Variants in SNX2 observed in about 807,000 individuals in gnomAD.
SNX2 encodes the protein sorting nexin 2.
In SNX2, 25 loss-of-function variants were observed where a neutral mutation model predicts 69.9. The ratio of observed to expected loss-of-function variants is 0.36; its 90% CI spans 0.26 to 0.50. The LOEUF is 0.50. Among genes scored for constraint, SNX2 ranks in the 20% least tolerant of loss-of-function variants. The pLI is 0.97. For missense variants in SNX2, 551 were observed against 613.3 expected (o/e 0.90, Z 1.07); for synonymous variants, 229 against 200.4 (o/e 1.14, Z -1.20).
At chr5:122,784,375 T>A (rs2150001032) in intron 1 of SNX2, among the ~76,000 whole-genome samples, 1 of 152,174 alleles carries the variant, frequency 6.6e-6, no homozygotes, top group South Asian at 2.1e-4. Flanking sequence ...AATGAAGTTC[T>A]CCTCTGTTTC....
At chr5:122,789,474 G>GACACAC (rs60199625) in intron 1 of SNX2, among the ~76,000 whole-genome samples, 3,291 of 144,670 alleles carry the variant, frequency 0.023, 62 homozygotes, top group East Asian at 0.04. Flanking sequence ...GACACACACG[G>GACACAC]ACACACACAC....
intron 1 of SNX2, among the ~76,000 whole-genome samples, chr5:122,778,542 T>C (rs1170908042): frequency 1.3e-5 from 2 of 152,210 alleles, no homozygotes; most frequent in African/African-American, 4.8e-5. Context: ...AGAGTCTCGC[T>C]CTGTCACCCA....
At chr5:122,780,571 C>CTT (rs761877253) in intron 1 of SNX2, among the ~76,000 whole-genome samples, 6 of 133,326 alleles carry the variant, frequency 4.5e-5, no homozygotes, top group Admixed American at 7.3e-5. Flanking sequence ...CTTTTCTTTT[C>CTT]TTTTCTTTTT....
intron 10 of SNX2, among the ~76,000 whole-genome samples, chr5:122,818,531 CTG>C (rs1342644576): frequency 8.5e-5 from 13 of 152,092 alleles, no homozygotes; most frequent in African/African-American, 2.9e-4. Flanking sequence ...ACAGTGAACA[CTG>C]TGGGAGAAAA....
In SNX2 at chr5:122,829,823, A is replaced by G. The variant is rs1754244780; in HGVS notation, c.*175A>G. On this transcript the variant is annotated 3_prime_UTR_variant, in exon 15 of 15. Coordinates refer to ENST00000379516, the MANE Select transcript of SNX2 (RefSeq NM_003100.4). ...ACACACACACACACTCTGACATTTTATTACAAGCTGCATGTCCTGACCCTC... is the reference window on the plus strand; with the variant it reads ...ACACACACACACACTCTGACATTTTGTTACAAGCTGCATGTCCTGACCCTC... 8.3e-6 allele frequency: 5 copies of G among 605,086 alleles called. No individual in the cohort carries two copies. In the Admixed American group the frequency reaches 1.2e-4, roughly 14 times the overall value. The allele number at this position is 605,086 out of a possible 1,614,324, so 37.5% of individuals were successfully genotyped here.
intron 6 of SNX2, among the ~76,000 whole-genome samples, chr5:122,806,142 G>GCACGCGCGCACACACACA (rs1554063175): frequency 3.1e-5 from 4 of 130,580 alleles, no homozygotes; most frequent in African/African-American, 1.2e-4. Flanking sequence ...ACACGCGCGC[G>GCACGCGCGCACACACACA]CACACACACA....
At chr5:122,791,119 AT>A (rs71623268) in intron 1 of SNX2, among the ~76,000 whole-genome samples, 88 of 131,694 alleles carry the variant, frequency 6.7e-4, no homozygotes, top group South Asian at 1.6e-3. Context: ...GGCTATTTCA[AT>A]TTTTTTTTTT....
chr5:122,801,655 G>A (rs1027003634), intron 3 of SNX2, among the ~76,000 whole-genome samples: 3 of 77,472 alleles, frequency 3.9e-5, no homozygotes, highest in Non-Finnish European at 9.2e-5. Flanking sequence ...TCTTTTTCGT[G>A]TGTGTGTGTG....
At chr5:122,807,925 T>G (rs1271710788) in intron 6 of SNX2, among the ~76,000 whole-genome samples, 1 of 152,196 alleles carries the variant, frequency 6.6e-6, no homozygotes, top group Admixed American at 6.5e-5. Context: ...GATTTGAAAT[T>G]CCATTATGTA....
intron 1 of SNX2, among the ~76,000 whole-genome samples, chr5:122,794,108 C>T (rs967547465): frequency 7.9e-5 from 12 of 151,752 alleles, no homozygotes; most frequent in South Asian, 2.1e-4. Context: ...GTCAGGAGTT[C>T]GAGACCAGCC....
rs1753295703 is a variant in SNX2, at chr5:122,793,585, T to A, written c.109-1681T>A. Among the ~76,000 whole-genome samples, 3 of 152,200 alleles carry A rather than the reference T, an allele frequency of 2.0e-5. No homozygotes were observed. In the South Asian group the frequency reaches 6.2e-4, roughly 32 times the overall value. Reference sequence around the variant, plus strand: ...ACACTTTTGATATATACAGTTTTTTTGTGTTATACTTCAATAAAAAGGTTT... The same window carrying A: ...ACACTTTTGATATATACAGTTTTTTAGTGTTATACTTCAATAAAAAGGTTT... On this transcript the variant is annotated intron_variant, in intron 1 of 14. Coordinates refer to ENST00000379516, the MANE Select transcript of SNX2 (RefSeq NM_003100.4).
intron 11 of SNX2, among the ~76,000 whole-genome samples, chr5:122,824,201 CAAAAAA>C (rs398050704): frequency 8.9e-6 from 1 of 112,700 alleles, no homozygotes. Flanking sequence ...GACTCTGTCT[CAAAAAA>C]AAAAAAAAAA....
intron 5 of SNX2, among the ~76,000 whole-genome samples, chr5:122,803,220 A>G (rs78598249): frequency 0.015 from 2,262 of 152,274 alleles, 22 homozygotes; most frequent in Non-Finnish European, 0.019. Flanking sequence ...AAGAATTATT[A>G]GCGTAAATAG....
At chr5:122,795,183 G>A (rs1682017700) in intron 1 of SNX2, 83 bp from the exon 2 acceptor site, 6 of 834,604 alleles carry the variant, frequency 7.2e-6, no homozygotes, top group Non-Finnish European at 1.2e-5. Flanking sequence ...TCAAGAGAAT[G>A]TTCTATTTCT....
At chr5:122,796,543 A>G (rs1033052009) in intron 2 of SNX2, among the ~76,000 whole-genome samples, 1 of 152,178 alleles carries the variant, frequency 6.6e-6, no homozygotes, top group Non-Finnish European at 1.5e-5. Context: ...ATATTTCAGT[A>G]TTTGTTATTG....
chr5:122,790,948 T>C (rs1170039739), intron 1 of SNX2, among the ~76,000 whole-genome samples: 1 of 152,184 alleles, frequency 6.6e-6, no homozygotes, highest in Non-Finnish European at 1.5e-5. Flanking sequence ...CTGATCTTAC[T>C]GGGGAAGCTT....
chr5:122,808,234 A>G (rs1311539404), intron 6 of SNX2, 43 bp from the exon 7 acceptor site: 12 of 1,208,764 alleles, frequency 9.9e-6, no homozygotes, highest in Non-Finnish European at 1.4e-5. Flanking sequence ...AGACTTTCAC[A>G]GCAATATAAA....
Position 122,802,139 on chromosome 5 carries a change from CT to C in SNX2, c.501+19del, listed in dbSNP as rs777621681. 6.2e-7 allele frequency: 1 copy of C among 1,610,330 alleles called. No homozygotes were observed. Among genetic ancestry groups the C allele is most frequent in the Non-Finnish European group, 8.5e-7 (1 of 1,176,834 alleles). On this transcript the variant is annotated intron_variant, in intron 5 of 14. Coordinates refer to ENST00000379516, the MANE Select transcript of SNX2 (RefSeq NM_003100.4). ...TAACAACAAAGGTGAGCTTTTTGTG[CT>C]TTTAAAAAAACTATCGAGCCCTCAT...
chr5:122,807,523 T>C (rs1753685337), intron 6 of SNX2, among the ~76,000 whole-genome samples: 1 of 152,198 alleles, frequency 6.6e-6, no homozygotes, highest in African/African-American at 2.4e-5. Context: ...GTGTGACAAA[T>C]TCCTTCCACT....
Sources: allele counts gnomAD v4.1 joint callset (sites outside exome capture counted in the v4.1 genomes callset), GRCh38; gene constraint gnomAD v4.1.1; transcripts MANE v1.5; gene names NCBI Gene and HGNC (gene_info 2026-07-23, HGNC 2026-07-21).